Variants in C2CD3 observed in about 807,000 individuals in gnomAD.
C2CD3 encodes C2 domain containing 3 centriole elongation regulator.
In C2CD3, 148 loss-of-function variants were observed where a neutral mutation model predicts 234.0. The observed-to-expected ratio is 0.63, with a 90% CI of 0.55 to 0.72. The LOEUF is 0.72. Ranked by LOEUF, C2CD3 falls within the 30% of genes least tolerant of loss-of-function variation. The pLI is 0.00. For synonymous variants in C2CD3, 1,000 were observed against 1,035.4 expected (o/e 0.97, Z 0.66); for missense variants, 2,577 against 2,811.5 (o/e 0.92, Z 1.89).
In C2CD3 at chr11:74,078,140, C is replaced by T; in HGVS notation, c.4578G>A (p.Arg1526=). 2 of 1,613,820 alleles carry T rather than the reference C, an allele frequency of 1.2e-6. No individual in the cohort carries two copies. Among genetic ancestry groups the T allele is most frequent in the Non-Finnish European group, 1.7e-6 (2 of 1,179,930 alleles). The change falls in exon 23 of 33, where the codon AGG becomes AGA. Residue 1526 remains arginine, a synonymous_variant. Coordinates refer to ENST00000334126, the MANE Select transcript of C2CD3 (RefSeq NM_001286577.2). ...AYVDLARLGE[R]SARTLTVSGV... ...CACTGACAGTTAGCGTCCTCGCTGA[C>T]CTCTCCCCAAGTCTGGCCAGGTCCA...
At chr11:74,078,020 G>A in intron 23 of C2CD3, 95 bp downstream of exon 23, 1 of 1,418,764 alleles carries the variant, frequency 7.0e-7, no homozygotes, top group Non-Finnish European at 9.5e-7. Flanking sequence ...TGCTGGGAGG[G>A]TCAAGTAAAG....
chr11:74,063,519 G>C (rs1010247859), intron 24 of C2CD3, among the ~76,000 whole-genome samples: 1 of 152,064 alleles, frequency 6.6e-6, no homozygotes, highest in African/African-American at 2.4e-5. Flanking sequence ...CAGAACCAAA[G>C]ACAAAAACCA....
At chr11:74,052,217 G>A (rs138930627) in intron 26 of C2CD3, among the ~76,000 whole-genome samples, 22 of 152,170 alleles carry the variant, frequency 1.4e-4, no homozygotes, top group Admixed American at 6.5e-4. Context: ...TGGAAGGTAG[G>A]GAATGTATTT....
chr11:74,122,900 T>C (rs1285562093), intron 8 of C2CD3, 88 bp downstream of exon 8: 6 of 667,526 alleles, frequency 9.0e-6, no homozygotes, highest in South Asian at 4.2e-5. Flanking sequence ...GTAAGTTATG[T>C]AAAATGCATA....
chr11:74,032,824 C>T (rs1360325631), intron 31 of C2CD3, among the ~76,000 whole-genome samples: 1 of 151,290 alleles, frequency 6.6e-6, no homozygotes, highest in Non-Finnish European at 1.5e-5. Flanking sequence ...ATGGTAATAA[C>T]CTTGTACTCC....
chr11:74,018,714 C>T (rs1449319096), intron 32 of C2CD3, among the ~76,000 whole-genome samples: 1 of 152,160 alleles, frequency 6.6e-6, no homozygotes. Flanking sequence ...GCAAACTCAG[C>T]AGCCACAAGT....
Position 74,049,435 on chromosome 11 carries a change from G to C in C2CD3, c.5263C>G (p.Gln1755Glu). Residue 1755 changes from glutamine to glutamate, a missense_variant, in exon 27 of 33, where the codon CAG (glutamine) becomes GAG (glutamate). Gln to Glu is a conservative substitution (Grantham distance 29, BLOSUM62 2). Transcript: ENST00000334126. ...YNITDFSGEC[Q>E]GQIKVAVSPL... is the part of the protein sequence containing the mutation. Reference sequence around the variant, plus strand: ...GAGACAGCAACTTTTATCTGCCCCTGGCACTCTCCACTGAAGTCTGTGATG... The same window carrying C: ...GAGACAGCAACTTTTATCTGCCCCTCGCACTCTCCACTGAAGTCTGTGATG... The C allele has an allele frequency of 6.2e-7, 1 of 1,613,952 alleles. No individual in the cohort carries two copies. The highest frequency in any genetic ancestry group is 1.7e-5 in the Admixed American group (1 of 60,012).
rs79409615 is a variant in C2CD3, at chr11:74,131,536, T to C, written c.1217+1308A>G. Among the ~76,000 whole-genome samples, 372 of 152,192 alleles carry C rather than the reference T, an allele frequency of 2.4e-3. 2 individuals are homozygous for C. In the East Asian group the frequency reaches 0.044, roughly 18 times the overall value. ...AGTATGTTGTGTTGTTACTTCCCTG[T>C]AATAGAAATCTAAACTTCAGATCAA... On this transcript the variant is annotated intron_variant, in intron 7 of 32. Coordinates refer to ENST00000334126, the MANE Select transcript of C2CD3 (RefSeq NM_001286577.2).
intron 24 of C2CD3, among the ~76,000 whole-genome samples, chr11:74,067,190 C>T (rs1448262119): frequency 1.3e-5 from 2 of 151,854 alleles, no homozygotes; most frequent in Non-Finnish European, 2.9e-5. Flanking sequence ...AAGAAAGAAA[C>T]TGGGTGATGG....
chr11:74,049,866 G>A (rs1288930494), intron 26 of C2CD3, among the ~76,000 whole-genome samples: 3 of 141,350 alleles, frequency 2.1e-5, no homozygotes, highest in South Asian at 2.1e-4. Context: ...CTGCGGCCTC[G>A]AACTCGCAAA....
chr11:74,074,717 A>G, intron 23 of C2CD3, 117 bp from the exon 24 acceptor site: 1 of 764,270 alleles, frequency 1.3e-6, no homozygotes, highest in Non-Finnish European at 2.1e-6. Flanking sequence ...ACAAACCCCA[A>G]TACAGCAATT....
Position 74,034,230 on chromosome 11 carries a change from C to A in C2CD3, c.5930G>T (p.Arg1977Leu). ...GGCCTTGTTGCTTCTACTCCTGGCTCGGTGAGAACTCAAAGCTGCTTGCGA... is the reference window on the plus strand; with the variant it reads ...GGCCTTGTTGCTTCTACTCCTGGCTAGGTGAGAACTCAAAGCTGCTTGCGA... ...RDSQAALSSHRARSRSNKATT... is the reference protein window; with the variant it reads ...RDSQAALSSHLARSRSNKATT... Residue 1977 changes from arginine (R) to leucine (L), a missense_variant, in exon 31 of 33, where the codon CGA becomes CTA. Transcript: ENST00000334126. 1 of 1,536,144 alleles carries A rather than the reference C, an allele frequency of 6.5e-7. No homozygotes were observed. The highest frequency in any genetic ancestry group is 1.4e-5 in the African/African-American group (1 of 73,132).
rs759392938 is a variant in C2CD3, at chr11:74,100,595, G to A, written c.2662C>T (p.Arg888Trp). Residue 888 changes from arginine to tryptophan, a missense_variant, in exon 15 of 33, where the codon CGG becomes TGG. Transcript: ENST00000334126. ...VMVIETWNKV[R>W]SPGQDKLLGL... is the part of the protein sequence containing the mutation. ...AGCAGCTTGTCCTGTCCTGGGCTCC[G>A]CACCTTATTCCAAGTTTCAATTACC... is the stretch of plus-strand genomic sequence containing the variant. 27 of 1,613,854 alleles carry A rather than the reference G, an allele frequency of 1.7e-5. No individual in the cohort carries two copies. The highest frequency in any genetic ancestry group is 1.9e-5 in the Non-Finnish European group (22 of 1,179,794).
intron 11 of C2CD3, among the ~76,000 whole-genome samples, chr11:74,109,829 T>G (rs1484429297): frequency 6.6e-6 from 1 of 152,024 alleles, no homozygotes; most frequent in South Asian, 2.1e-4. Flanking sequence ...TCCCAGCACT[T>G]TGGGAGGCCG....
chr11:74,151,712 T>G (rs11606804), intron 3 of C2CD3, among the ~76,000 whole-genome samples: 2 of 151,846 alleles, frequency 1.3e-5, no homozygotes, highest in Non-Finnish European at 2.9e-5. Flanking sequence ...AATTTAATAG[T>G]AGTAGGAAAA....
At chr11:74,071,920 G>T (rs826039) in intron 24 of C2CD3, among the ~76,000 whole-genome samples, 1 of 151,852 alleles carries the variant, frequency 6.6e-6, no homozygotes, top group African/African-American at 2.4e-5. Context: ...TTGAAAATTT[G>T]TAAGTATATT....
rs1957750097 is a variant in C2CD3 at position 74,133,541 on chromosome 11, G to T, written c.972C>A (p.Gly324=). The T allele has an allele frequency of 1.2e-6, 2 of 1,613,896 alleles. No individual in the cohort carries two copies. Among genetic ancestry groups the T allele is most frequent in the East Asian group, 4.5e-5 (2 of 44,884 alleles). ...TCACCATGGCATTACGCAGTTTATT[G>T]CCTTGTTCTAACAGAGCTGAAGAGG... ...KDLLSALLEQ[G]NKLRNAMVIS... is the part of the protein sequence containing the mutation. The change falls in exon 6 of 33, where the codon GGC becomes GGA. Residue 324 remains glycine, a synonymous_variant. Transcript: ENST00000334126.
At chr11:74,153,522 A>G (rs540061443) in intron 3 of C2CD3, among the ~76,000 whole-genome samples, 5 of 152,322 alleles carry the variant, frequency 3.3e-5, no homozygotes, top group South Asian at 2.1e-4. Flanking sequence ...CTAAGTATAA[A>G]AGATTGTAGA....
Position 74,098,029 on chromosome 11 carries a change from T to C in C2CD3, c.2959A>G (p.Thr987Ala). Reference protein sequence around the residue: ...PRPAHFLDQPTAASVAMAEDR... With the variant: ...PRPAHFLDQPAAASVAMAEDR... Reference sequence around the variant, plus strand: ...ATTACCATAGCAACAGATGCTGCAGTTGGCTGGTCCAGGAAATGGGCTGGC... The same window carrying C: ...ATTACCATAGCAACAGATGCTGCAGCTGGCTGGTCCAGGAAATGGGCTGGC... The change falls in exon 16 of 33, where the codon ACT (threonine) becomes GCT (alanine). Residue 987 changes from threonine to alanine, a missense_variant. By Grantham distance (58) the Thr-to-Ala change is moderately conservative. Coordinates refer to ENST00000334126, the MANE Select transcript of C2CD3 (RefSeq NM_001286577.2). The C allele has an allele frequency of 3.1e-6, 5 of 1,614,106 alleles. No homozygotes were observed. Among genetic ancestry groups the C allele is most frequent in the Non-Finnish European group, 4.2e-6 (5 of 1,179,982 alleles).
Sources: gnomAD v4.1 joint callset for allele counts (sites outside exome capture counted in the v4.1 genomes callset) on GRCh38, gnomAD v4.1.1 for gene constraint, MANE v1.5 for transcripts, NCBI Gene and HGNC (gene_info 2026-07-23, HGNC 2026-07-21) for gene names.